MGAT5: variants seen among roughly 807,000 people sequenced by gnomAD.
The protein encoded by MGAT5 is alpha-1,6-mannosylglycoprotein 6-beta-N-acetylglucosaminyltransferase A.
MGAT5 carries 30 observed loss-of-function variants against 94.3 expected under a neutral mutation model. The ratio of observed to expected loss-of-function variants is 0.32; its 90% confidence interval spans 0.24 to 0.43. The LOEUF (loss-of-function observed/expected upper bound fraction) is 0.43, where lower values mean the gene tolerates loss of function less well. MGAT5 is among the 20% of genes least tolerant of loss of function. The probability of loss-of-function intolerance (pLI) is 1.00; values close to 1 mark genes in which losing one functional copy is unlikely to be tolerated. For missense variants in MGAT5, 691 were observed against 905.5 expected (o/e 0.76, Z 3.04); for synonymous variants, 310 against 322.9 (o/e 0.96, Z 0.43).
At chr2:134,425,922 A>T (rs1198322496) in intron 13 of MGAT5, among the ~76,000 whole-genome samples, 1 of 150,154 alleles carries the variant, frequency 6.7e-6, no homozygotes. Flanking sequence ...ACAAAGCAGG[A>T]TGCCCAAGAA....
In MGAT5 at chr2:134,349,829, A is replaced by G. The variant is rs34876684; in HGVS notation, c.1137A>G (p.Ser379=). 19,443 of 1,613,582 alleles carry G rather than the reference A, an allele frequency of 0.012. 180 individuals are homozygous for G. The highest frequency in any genetic ancestry group is 0.021 in the Middle Eastern group (129 of 6,058). ...HYQCMLRVLD[S]FGTEPEFNHA... ...GGTGCATGCTCCGAGTCCTTGATTC[A>G]TTTGGTACTGAACCCGAATTTAATC... Residue 379 remains serine (S), a synonymous_variant, in exon 9 of 16, where the codon TCA becomes TCG. Coordinates refer to ENST00000281923, the MANE Select transcript of MGAT5 (RefSeq NM_002410.5).
intron 13 of MGAT5, 132 bp from the exon 14 acceptor site, chr2:134,428,233 C>G (rs1684693492): frequency 1.4e-6 from 1 of 699,862 alleles, no homozygotes; most frequent in Non-Finnish European, 2.4e-6. Context: ...TCACGACTTG[C>G]AAGTCCATAG....
chr2:134,141,407 C>T (rs1368366715), intron 1 of MGAT5, among the ~76,000 whole-genome samples: 1 of 150,600 alleles, frequency 6.6e-6, no homozygotes, highest in Non-Finnish European at 1.5e-5. Context: ...ATTCCTATTG[C>T]TTAGCCTAAT....
At chr2:134,141,139 A>G (rs931633644) in intron 1 of MGAT5, among the ~76,000 whole-genome samples, 1 of 152,224 alleles carries the variant, frequency 6.6e-6, no homozygotes, top group Non-Finnish European at 1.5e-5. Context: ...TGTTCAGCCC[A>G]CTTCCCTCTC....
intron 1 of MGAT5, among the ~76,000 whole-genome samples, chr2:134,163,081 T>C (rs894125961): frequency 3.3e-5 from 5 of 151,608 alleles, no homozygotes; most frequent in Admixed American, 2.6e-4. Context: ...TCTTGAGGAG[T>C]TGACAGTCTG....
intron 3 of MGAT5, among the ~76,000 whole-genome samples, chr2:134,317,880 CCT>C (rs1387410475): frequency 6.6e-6 from 1 of 152,132 alleles, no homozygotes; most frequent in African/African-American, 2.4e-5. Context: ...GCTGACTTCC[CCT>C]CTCTGTTTCC....
chr2:134,356,072 A>G (rs1286364236), intron 9 of MGAT5, among the ~76,000 whole-genome samples: 1 of 152,142 alleles, frequency 6.6e-6, no homozygotes, highest in East Asian at 1.9e-4. Flanking sequence ...TTATGCGTGT[A>G]TGTGTTAAGT....
chr2:134,121,159 C>G (rs951448980), intron 1 of MGAT5, among the ~76,000 whole-genome samples: 4 of 152,174 alleles, frequency 2.6e-5, no homozygotes, highest in South Asian at 2.1e-4. Flanking sequence ...GCCCCTGCCT[C>G]GCCTCAGTTG....
chr2:134,345,556 T>G (rs930559573), intron 8 of MGAT5, among the ~76,000 whole-genome samples: 2 of 152,212 alleles, frequency 1.3e-5, no homozygotes, highest in Non-Finnish European at 2.9e-5. Flanking sequence ...ACATGTGTAC[T>G]CTGTGCAGTC....
chr2:134,428,321 TTC>T (rs1684698442), intron 13 of MGAT5, 42 bp from the exon 14 acceptor site: 1 of 1,581,480 alleles, frequency 6.3e-7, no homozygotes, highest in African/African-American at 1.3e-5. Context: ...GTGCTACATG[TTC>T]TCTGTCCTTC....
chr2:134,360,566 G>A (rs1039607339), intron 9 of MGAT5, among the ~76,000 whole-genome samples: 5 of 91,138 alleles, frequency 5.5e-5, no homozygotes, highest in Non-Finnish European at 1.4e-4. Context: ...AAAAACACCT[G>A]ATCCTGAAGT....
At chr2:134,130,237 G>GCCCCACACCA (rs1454869892) in intron 1 of MGAT5, among the ~76,000 whole-genome samples, 7 of 74,508 alleles carry the variant, frequency 9.4e-5, no homozygotes, top group South Asian at 4.9e-4. Context: ...GCCCCACACC[G>GCCCCACACCA]CCCCACACCG....
At chr2:134,361,532 T>G (rs1210996460) in intron 9 of MGAT5, among the ~76,000 whole-genome samples, 3 of 152,214 alleles carry the variant, frequency 2.0e-5, no homozygotes, top group African/African-American at 7.2e-5. Flanking sequence ...GGTGTGGGGT[T>G]GCTGTCCCCC....
At chr2:134,159,758 G>A (rs1687646021) in intron 1 of MGAT5, among the ~76,000 whole-genome samples, 1 of 152,184 alleles carries the variant, frequency 6.6e-6, no homozygotes, top group Admixed American at 6.5e-5. Flanking sequence ...CGCCCCAGAG[G>A]TGGAGGTTGC....
Position 134,318,688 on chromosome 2 carries a change from A to C in MGAT5, c.522A>C (p.Ala174=), listed in dbSNP as rs1687147388. Residue 174 remains alanine (A), a synonymous_variant, in exon 4 of 16, where the codon GCA becomes GCC. Transcript: ENST00000281923. ...TGTGGCGTTCAGATCCCTGCTACGC[A>C]GACTATGGAGTGGATGGATCCACCT... is the stretch of plus-strand genomic sequence containing the variant. The part of the protein sequence containing the change: ...KDMWRSDPCY[A]DYGVDGSTCS... 1 of 1,613,622 alleles carries C rather than the reference A, an allele frequency of 6.2e-7. No homozygotes were observed. Among genetic ancestry groups the C allele is most frequent in the African/African-American group, 1.3e-5 (1 of 75,032 alleles).
chr2:134,384,564 T>G (rs1420079852), intron 10 of MGAT5, among the ~76,000 whole-genome samples: 2 of 152,220 alleles, frequency 1.3e-5, no homozygotes, highest in African/African-American at 2.4e-5. Context: ...ACTATTTGAT[T>G]TTTACAATTA....
chr2:134,176,785 A>G lies in MGAT5; in HGVS notation c.-143+56494A>G, dbSNP rs574916304. Among the ~76,000 whole-genome samples the G allele has an allele frequency of 2.8e-3, 431 of 152,312 alleles. 1 individual carries two copies. Among genetic ancestry groups the G allele is most frequent in the South Asian group, 0.013 (63 of 4,824 alleles). ...TAGAGCAGAAACAAATACTTGGTGGACTGGCAGTGTGCTGCAGGCTCCCCT... is the reference window on the plus strand; with the variant it reads ...TAGAGCAGAAACAAATACTTGGTGGGCTGGCAGTGTGCTGCAGGCTCCCCT... On this transcript the variant is annotated intron_variant, in intron 1 of 16. Transcript: ENST00000409645.
At chr2:134,213,596 C>G (rs1176382334) in intron 1 of MGAT5, among the ~76,000 whole-genome samples, 1 of 152,198 alleles carries the variant, frequency 6.6e-6, no homozygotes, top group Non-Finnish European at 1.5e-5. Context: ...CATGTTGTTA[C>G]CTGTACTTCT....
At chr2:134,275,071 T>C (rs1684278590) in intron 2 of MGAT5, among the ~76,000 whole-genome samples, 1 of 152,196 alleles carries the variant, frequency 6.6e-6, no homozygotes, top group Non-Finnish European at 1.5e-5. Context: ...TCCTTGTATG[T>C]GTACCCATGT....
Sources: gnomAD v4.1 joint callset for allele counts (sites outside exome capture counted in the v4.1 genomes callset) on GRCh38, gnomAD v4.1.1 for gene constraint, MANE v1.5 for transcripts, NCBI Gene and HGNC (gene_info 2026-07-23, HGNC 2026-07-21) for gene names.